The following SLC27A6 variants were observed in gnomAD, a reference collection of about 807,000 sequenced individuals.
The protein encoded by SLC27A6 is solute carrier family 27 member 6.
A neutral mutation model predicts 63.9 loss-of-function variants in SLC27A6; 74 were observed. The ratio of observed to expected loss-of-function variants is 1.16; its 90% CI spans 0.96 to 1.40. The LOEUF (loss-of-function observed/expected upper bound fraction) is 1.40. SLC27A6 is among the 40% of genes most tolerant of loss of function. The pLI, the probability that SLC27A6 is intolerant of heterozygous loss-of-function variation, is 0.00. For missense variants in SLC27A6, 794 were observed against 732.9 expected (o/e 1.08, Z -0.96); for synonymous variants, 287 against 260.8 (o/e 1.10, Z -0.97).
chr5:129,018,516 C>T (rs539600602), intron 5 of SLC27A6, among the ~76,000 whole-genome samples: 4 of 152,046 alleles, frequency 2.6e-5, no homozygotes, highest in Non-Finnish European at 4.4e-5. Flanking sequence ...TAGTTGACAT[C>T]TAAGAAATGC....
At position 128,990,386 on chromosome 5, in the gene SLC27A6, G is replaced by A; in HGVS notation, c.891G>A (p.Trp297Ter). 1 of 1,613,956 alleles carries A rather than the reference G, an allele frequency of 6.2e-7. No homozygotes were observed. The highest frequency in any genetic ancestry group is 2.2e-5 in the East Asian group (1 of 44,860). Residue 297 changes from tryptophan to a stop codon, truncating the protein, a stop_gained, in exon 4 of 10, where the codon TGG (tryptophan) becomes TGA (stop). Transcript: ENST00000262462. LOFTEE classifies it high-confidence loss of function. ...LKKKFSASQF[W>*]SDCKKYDVTV... ...AGAAATTTTCAGCAAGCCAGTTTTGGAGTGACTGCAAGAAGTATGATGTGA... is the reference window on the plus strand; with the variant it reads ...AGAAATTTTCAGCAAGCCAGTTTTGAAGTGACTGCAAGAAGTATGATGTGA...
intron 1 of SLC27A6, among the ~76,000 whole-genome samples, chr5:128,969,421 G>T (rs1180364433): frequency 6.6e-6 from 1 of 152,112 alleles, no homozygotes; most frequent in Non-Finnish European, 1.5e-5. Flanking sequence ...CCATTTGTTT[G>T]TGTCCTCTTT....
At chr5:129,004,940 C>A (rs1255975675) in intron 4 of SLC27A6, among the ~76,000 whole-genome samples, 8 of 152,286 alleles carry the variant, frequency 5.3e-5, no homozygotes, top group African/African-American at 1.9e-4. Flanking sequence ...ATTTCCTTGA[C>A]TACAATCTAG....
At chr5:128,969,433 T>C (rs1451001330) in intron 1 of SLC27A6, among the ~76,000 whole-genome samples, 1 of 152,334 alleles carries the variant, frequency 6.6e-6, no homozygotes, top group East Asian at 1.9e-4. Flanking sequence ...GTCCTCTTTT[T>C]ATTTCGTTGA....
In SLC27A6 at chr5:129,022,111, A is replaced by G. The variant is rs75735882; in HGVS notation, c.1165-1509A>G. On this transcript the variant is annotated intron_variant, in intron 5 of 9. Coordinates refer to ENST00000262462, the MANE Select transcript of SLC27A6 (RefSeq NM_001017372.3). ...TCTACTAGCCATTAGGCAAGTGGCC[A>G]ATATCCTGTTATCCCAATTACAGAC... Among the ~76,000 whole-genome samples the G allele has an allele frequency of 3.1e-3, 475 of 152,336 alleles. 15 individuals carry two copies. In the East Asian group the frequency reaches 0.083, roughly 27 times the overall value.
chr5:129,010,324 G>T (rs1037812907), intron 4 of SLC27A6, among the ~76,000 whole-genome samples: 1 of 152,178 alleles, frequency 6.6e-6, no homozygotes, highest in Non-Finnish European at 1.5e-5. Context: ...TTAAAAAATG[G>T]CCCCTTCAAA....
chr5:129,033,263 TA>T lies in SLC27A6; in HGVS notation c.1842del (p.Glu616LysfsTer2), dbSNP rs1752468371. 2 of 1,570,488 alleles carry T rather than the reference TA, an allele frequency of 1.3e-6. No homozygotes were observed. Among genetic ancestry groups the T allele is most frequent in the Non-Finnish European group, 8.6e-7 (1 of 1,157,568 alleles). On this transcript the variant is annotated frameshift_variant, in exon 10 of 10. Coordinates refer to ENST00000262462, the MANE Select transcript of SLC27A6 (RefSeq NM_001017372.3). LOFTEE classifies it high-confidence loss of function. ...AGGGAACTTTATGATCAAATAATGT[TA>T]GGGGAAATAAAACTTTAAGATTTTT... Reference protein sequence around the residue: ...LTRELYDQIMLGEIKL With the variant: ...LTRELYDQIMXGEIKL
At position 128,985,173 on chromosome 5, in the gene SLC27A6, A is replaced by C; in HGVS notation, c.522A>C (p.Ser174=). 6.2e-7 allele frequency: 1 copy of C among 1,614,058 alleles called. No homozygotes were observed. Residue 174 remains serine (S), a synonymous_variant, in exon 2 of 10, where the codon TCA becomes TCC. Transcript: ENST00000262462. ...TAGAAGAAATCCTTCCAAGCCTCTCAGAAAATATCAGTGTTTGGGGGATGA... is the reference window on the plus strand; with the variant it reads ...TAGAAGAAATCCTTCCAAGCCTCTCCGAAAATATCAGTGTTTGGGGGATGA... ...GTVEEILPSL[S]ENISVWGMKD... is the part of the protein sequence containing the mutation.
At chr5:128,976,684 T>C in intron 1 of SLC27A6, among the ~76,000 whole-genome samples, 1 of 84,772 alleles carries the variant, frequency 1.2e-5, no homozygotes, top group East Asian at 8.2e-4. Context: ...CTACAAACTA[T>C]GCACCATTTC....
intron 1 of SLC27A6, among the ~76,000 whole-genome samples, chr5:128,971,153 T>G (rs1039573153): frequency 9.9e-5 from 15 of 152,200 alleles, no homozygotes; most frequent in Non-Finnish European, 8.8e-5. Flanking sequence ...TCTTTTACAT[T>G]TGCTGAGGAG....
chr5:128,998,218 G>C lies in SLC27A6; in HGVS notation c.969+7754G>C, dbSNP rs1184162944. On this transcript the variant is annotated intron_variant, in intron 4 of 9. Transcript: ENST00000262462. Reference sequence around the variant, plus strand: ...GAGGTGGCAGGATCATTTGCACCCAGGAGTTTGAAGCTGCAGTGAGCTATG... The same window carrying C: ...GAGGTGGCAGGATCATTTGCACCCACGAGTTTGAAGCTGCAGTGAGCTATG... Among the ~76,000 whole-genome samples, 5 of 152,060 alleles carry C rather than the reference G, an allele frequency of 3.3e-5. No individual in the cohort carries two copies. The East Asian group carries it at 7.7e-4, about 24-fold the overall frequency.
intron 1 of SLC27A6, among the ~76,000 whole-genome samples, chr5:128,977,089 C>T (rs1750416425): frequency 1.3e-5 from 2 of 152,178 alleles, no homozygotes; most frequent in African/African-American, 2.4e-5. Flanking sequence ...ACCAAATGAA[C>T]AGTGGAGAGT....
At chr5:128,977,869 G>T (rs1750441814) in intron 1 of SLC27A6, among the ~76,000 whole-genome samples, 1 of 152,148 alleles carries the variant, frequency 6.6e-6, no homozygotes. Flanking sequence ...AATTTTAAAT[G>T]ATATAAAAGC....
chr5:129,023,633 T>C lies in SLC27A6; in HGVS notation c.1178T>C (p.Phe393Ser). ...TNLFYKLLSTFDLIKYDFQKD... is the reference protein window; with the variant it reads ...TNLFYKLLSTSDLIKYDFQKD... ...TTTTTTTTGCAGCTTCTTTCCACTT[T>C]TGACTTAATAAAGTATGACTTTCAG... The change falls in exon 6 of 10, where the codon TTT becomes TCT. Residue 393 changes from phenylalanine to serine, a missense_variant. Phe to Ser is a radical substitution (Grantham distance 155). Transcript: ENST00000262462. 6.2e-7 allele frequency: 1 copy of C among 1,606,338 alleles called. No homozygotes were observed. Among genetic ancestry groups the C allele is most frequent in the African/African-American group, 1.3e-5 (1 of 74,406 alleles).
At chr5:128,982,806 A>AT (rs1270843323) in intron 1 of SLC27A6, among the ~76,000 whole-genome samples, 2 of 152,166 alleles carry the variant, frequency 1.3e-5, no homozygotes, top group African/African-American at 4.8e-5. Flanking sequence ...AGAGCTAGGC[A>AT]TTTTCCCTGG....
chr5:129,027,156 C>G lies in SLC27A6; in HGVS notation c.1279C>G (p.Arg427Gly). ...AGGAGAACCTGGACTTCTCATTTCT[C>G]GAGTGAATGCAAAAAATCCCTTCTT... ...KKGEPGLLIS[R>G]VNAKNPFFGY... Residue 427 changes from arginine to glycine, a missense_variant, in exon 7 of 10, where the codon CGA (arginine) becomes GGA (glycine). Physicochemically the swap from Arg to Gly is moderately radical, Grantham distance 125. Coordinates refer to ENST00000262462, the MANE Select transcript of SLC27A6 (RefSeq NM_001017372.3). 1.2e-6 allele frequency: 2 copies of G among 1,613,250 alleles called. No individual in the cohort carries two copies. Among genetic ancestry groups the G allele is most frequent in the African/African-American group, 2.7e-5 (2 of 74,956 alleles).
intron 4 of SLC27A6, among the ~76,000 whole-genome samples, chr5:129,013,400 A>G (rs1751790255): frequency 6.6e-6 from 1 of 152,124 alleles, no homozygotes. Context: ...TTAGTTTTGA[A>G]TAATTCTTTA....
At chr5:129,026,801 A>G (rs561094319) in intron 6 of SLC27A6, among the ~76,000 whole-genome samples, 5 of 152,262 alleles carry the variant, frequency 3.3e-5, no homozygotes, top group African/African-American at 1.2e-4. Context: ...ACAAATGTCA[A>G]TATTATCTGT....
At chr5:129,007,342 G>A (rs1185035797) in intron 4 of SLC27A6, among the ~76,000 whole-genome samples, 1 of 151,264 alleles carries the variant, frequency 6.6e-6, no homozygotes, top group African/African-American at 2.4e-5. Flanking sequence ...TACTTGGGAG[G>A]CTGGAGCAGA....
Sources: allele counts gnomAD v4.1 joint callset (sites outside exome capture counted in the v4.1 genomes callset), GRCh38; gene constraint gnomAD v4.1.1; transcripts MANE v1.5; gene names NCBI Gene and HGNC (gene_info 2026-07-23, HGNC 2026-07-21).